Variants in NCALD observed in about 807,000 individuals in gnomAD.
The protein encoded by NCALD is neurocalcin delta.
NCALD carries 10 observed loss-of-function variants against 18.6 expected under a neutral mutation model. The observed-to-expected ratio is 0.54, with a 90% CI of 0.33 to 0.91. The LOEUF (loss-of-function observed/expected upper bound fraction) is 0.91, where lower values mean the gene tolerates loss of function less well. Ranked by LOEUF, NCALD falls within the 40% of genes least tolerant of loss-of-function variation. NCALD has a pLI of 0.03. For synonymous variants in NCALD, 88 were observed against 87.4 expected, an observed-to-expected ratio of 1.01 and a Z score of -0.04; for missense variants, 184 against 247.6, an observed-to-expected ratio of 0.74 and a Z score of 1.72.
chr8:101,944,085 T>C (rs1819071763), intron 2 of NCALD, among the ~76,000 whole-genome samples: 1 of 152,206 alleles, frequency 6.6e-6, no homozygotes, highest in Non-Finnish European at 1.5e-5. Flanking sequence ...ATCCTTCATA[T>C]GGGAGGATGG....
intron 1 of NCALD, among the ~76,000 whole-genome samples, chr8:102,058,716 T>C (rs1389577248): frequency 1.3e-5 from 2 of 152,238 alleles, no homozygotes; most frequent in Non-Finnish European, 2.9e-5. Context: ...CCCCTGAAGA[T>C]GCCCCATGGC....
intron 1 of NCALD, among the ~76,000 whole-genome samples, chr8:102,099,981 CA>C (rs1360552443): frequency 0.015 from 1,121 of 73,266 alleles, 10 homozygotes; most frequent in African/African-American, 0.053. Context: ...GACTCTGTCT[CA>C]AAAAAAAAAA....
chr8:101,738,289 ATCCCAGCACT>A (rs1810017530), intron 1 of NCALD, among the ~76,000 whole-genome samples: 1 of 152,210 alleles, frequency 6.6e-6, no homozygotes, highest in African/African-American at 2.4e-5. Flanking sequence ...CCTGCCTGTA[ATCCCAGCACT>A]TTGGGAGGCC....
At chr8:102,037,686 T>C (rs1488149554) in intron 1 of NCALD, among the ~76,000 whole-genome samples, 1 of 152,104 alleles carries the variant, frequency 6.6e-6, no homozygotes, top group African/African-American at 2.4e-5. Flanking sequence ...CAATAACAAA[T>C]ACACAAATGC....
intron 2 of NCALD, among the ~76,000 whole-genome samples, chr8:101,919,217 A>G (rs1818076921): frequency 6.6e-6 from 1 of 152,228 alleles, no homozygotes; most frequent in Admixed American, 6.5e-5. Context: ...GAACACAGAA[A>G]TAAAGCTGCA....
intron 2 of NCALD, among the ~76,000 whole-genome samples, chr8:101,945,385 G>C (rs1163153564): frequency 6.6e-6 from 1 of 152,178 alleles, no homozygotes; most frequent in Non-Finnish European, 1.5e-5. Context: ...ATGGAGCAGA[G>C]AGTAAACAAG....
chr8:101,904,884 G>A (rs867715852), intron 3 of NCALD, among the ~76,000 whole-genome samples: 3 of 152,022 alleles, frequency 2.0e-5, no homozygotes, highest in Non-Finnish European at 4.4e-5. Flanking sequence ...GTGCTCCTGG[G>A]ACCAGGATGG....
At chr8:101,703,797 A>T (rs1209539355) in intron 2 of NCALD, among the ~76,000 whole-genome samples, 2 of 152,212 alleles carry the variant, frequency 1.3e-5, no homozygotes, top group Non-Finnish European at 2.9e-5. Context: ...AGTGGCACAG[A>T]GAGAACTCCA....
At chr8:102,078,176 C>A (rs1190428893) in intron 1 of NCALD, among the ~76,000 whole-genome samples, 1 of 152,144 alleles carries the variant, frequency 6.6e-6, no homozygotes, top group African/African-American at 2.4e-5. Flanking sequence ...TCATCAACCT[C>A]AATTTATCTC....
At chr8:102,037,391 T>C (rs1327359804) in intron 1 of NCALD, among the ~76,000 whole-genome samples, 3 of 151,886 alleles carry the variant, frequency 2.0e-5, no homozygotes, top group African/African-American at 7.3e-5. Context: ...AATTATACTA[T>C]AGAATATTTA....
At chr8:101,894,679 G>T (rs943017637) in intron 3 of NCALD, among the ~76,000 whole-genome samples, 3 of 150,626 alleles carry the variant, frequency 2.0e-5, no homozygotes, top group South Asian at 2.1e-4. Context: ...GATAAAGGGG[G>T]TATCACCACA....
At chr8:102,093,357 T>C (rs1824987960) in intron 1 of NCALD, among the ~76,000 whole-genome samples, 3 of 152,210 alleles carry the variant, frequency 2.0e-5, no homozygotes, top group South Asian at 2.1e-4. Flanking sequence ...ATCAAATGCA[T>C]TGAGAGAACT....
At chr8:102,097,828 AT>A (rs1439790449) in intron 1 of NCALD, among the ~76,000 whole-genome samples, 1 of 152,192 alleles carries the variant, frequency 6.6e-6, no homozygotes, top group Non-Finnish European at 1.5e-5. Flanking sequence ...CTAATTTTAA[AT>A]GATGACATGA....
intron 3 of NCALD, among the ~76,000 whole-genome samples, chr8:101,903,975 T>C (rs1241830230): frequency 6.6e-6 from 1 of 152,182 alleles, no homozygotes; most frequent in Non-Finnish European, 1.5e-5. Flanking sequence ...ATCCCACACA[T>C]TCCCCAAAAT....
intron 1 of NCALD, among the ~76,000 whole-genome samples, chr8:102,062,466 C>T (rs576484475): frequency 1.3e-5 from 2 of 152,354 alleles, no homozygotes; most frequent in South Asian, 4.1e-4. Flanking sequence ...CTATTGTAGC[C>T]TCAGCACCCA....
chr8:101,741,985 G>A (rs1309260579), intron 1 of NCALD, among the ~76,000 whole-genome samples: 1 of 150,184 alleles, frequency 6.7e-6, no homozygotes, highest in East Asian at 2.0e-4. Flanking sequence ...CGGGTGCGGT[G>A]GCTCACACCT....
intron 2 of NCALD, among the ~76,000 whole-genome samples, chr8:101,696,927 G>A (rs149396496): frequency 0.033 from 5,051 of 152,158 alleles, 102 homozygotes; most frequent in Middle Eastern, 0.13. Context: ...AAAGCTAGCA[G>A]AAGAGAAGAA....
At chr8:101,988,779 C>T (rs1394503589) in intron 2 of NCALD, among the ~76,000 whole-genome samples, 3 of 151,860 alleles carry the variant, frequency 2.0e-5, no homozygotes, top group Non-Finnish European at 4.4e-5. Context: ...GAGAGAAAAT[C>T]CCCTAGAGGA....
At chr8:101,710,953 C>A (rs1224536220) in intron 2 of NCALD, among the ~76,000 whole-genome samples, 1 of 152,216 alleles carries the variant, frequency 6.6e-6, no homozygotes, top group East Asian at 1.9e-4. Flanking sequence ...TCCCTGACCC[C>A]CGAGGCTCCT....
Sources: allele counts gnomAD v4.1 joint callset (sites outside exome capture counted in the v4.1 genomes callset), GRCh38; gene constraint gnomAD v4.1.1; transcripts MANE v1.5; gene names NCBI Gene and HGNC (gene_info 2026-07-23, HGNC 2026-07-21).